The following CD163L1 variants were observed in gnomAD, a reference collection of about 807,000 sequenced individuals.
The protein encoded by CD163L1 is scavenger receptor cysteine-rich type 1 protein M160.
Under a neutral mutation model 165.4 loss-of-function variants are expected in CD163L1, and 124 were observed. The observed-to-expected ratio is 0.75, with a 90% CI of 0.65 to 0.87. CD163L1 has a LOEUF of 0.87. Among genes scored for constraint, CD163L1 ranks in the 40% least tolerant of loss-of-function variants. The probability of loss-of-function intolerance (pLI) is 0.00; values close to 1 mark genes in which losing one functional copy is unlikely to be tolerated. For missense variants in CD163L1, 1,525 were observed against 1,799.9 expected, an observed-to-expected ratio of 0.85 and a Z score of 2.76; for synonymous variants, 585 against 662.2, an observed-to-expected ratio of 0.88 and a Z score of 1.79.
At chr12:7,391,184 A>G (rs1363822984) in intron 8 of CD163L1, among the ~76,000 whole-genome samples, 1 of 152,212 alleles carries the variant, frequency 6.6e-6, no homozygotes, top group Non-Finnish European at 1.5e-5. Flanking sequence ...ATCAACAAAA[A>G]GGATAACCAC....
chr12:7,406,689 G>C lies in CD163L1; in HGVS notation c.930C>G (p.His310Gln), dbSNP rs1436907937. 1 of 1,614,106 alleles carries C rather than the reference G, an allele frequency of 6.2e-7. No homozygotes were observed. The highest frequency in any genetic ancestry group is 8.5e-7 in the Non-Finnish European group (1 of 1,180,002). The change falls in exon 5 of 20, where the codon CAC becomes CAG. Residue 310 changes from histidine (H) to glutamine (Q), a missense_variant. Physicochemically the swap from His to Gln is conservative, Grantham distance 24 (BLOSUM62 0). Transcript: ENST00000313599. ...ACTGCAAATGAGGCAAGCCAGCGAAGTGAAGTGCGGTTCCACATCCCAACT... is the reference window on the plus strand; with the variant it reads ...ACTGCAAATGAGGCAAGCCAGCGAACTGAAGTGCGGTTCCACATCCCAACT... ...CKQLGCGTALHFAGLPHLQSG... is the reference protein window; with the variant it reads ...CKQLGCGTALQFAGLPHLQSG...
intron 5 of CD163L1, among the ~76,000 whole-genome samples, chr12:7,405,310 C>G (rs1947995421): frequency 6.6e-6 from 1 of 152,010 alleles, no homozygotes; most frequent in Non-Finnish European, 1.5e-5. Context: ...CTCTCATCTT[C>G]TCATGTCTCC....
chr12:7,432,693 G>C lies in CD163L1; in HGVS notation c.489C>G (p.Ser163=). The change falls in exon 4 of 20, where the codon TCC becomes TCG. Residue 163 remains serine, a synonymous_variant. Coordinates refer to ENST00000313599, the MANE Select transcript of CD163L1 (RefSeq NM_174941.6). The surrounding 1 kb of genome is among the most constrained non-coding windows in gnomAD (Gnocchi z 4.2). ...ATTTCACCTCCACTCTCCCTGAACA[G>C]GAGTTGTTTCCATCCACTAGCCTCA... ...LGLRLVDGNN[S]CSGRVEVKFQ... 1 of 1,613,528 alleles carries C rather than the reference G, an allele frequency of 6.2e-7. No homozygotes were observed. The highest frequency in any genetic ancestry group is 8.5e-7 in the Non-Finnish European group (1 of 1,179,714).
At chr12:7,333,080 T>C in the CD163L1 span, among the ~76,000 whole-genome samples, 63,363 of 151,738 alleles carry the variant, frequency 0.42, 14,524 homozygotes, top group Non-Finnish European at 0.52. Context: ...ACATCTCACC[T>C]GTTAACAGAA....
At chr12:7,324,369 G>A in the CD163L1 span, 40 of 1,614,082 alleles carry the variant, frequency 2.5e-5, 1 homozygote, top group South Asian at 3.0e-4. Context: ...CTGGTTTGTC[G>A]GCAGAGCTGA....
At position 7,403,652 on chromosome 12, in the gene CD163L1, T is replaced by C. The variant is rs1337034378; in HGVS notation, c.1291A>G (p.Ile431Val). The change falls in exon 6 of 20, where the codon ATT (isoleucine) becomes GTT (valine). Residue 431 changes from isoleucine (I) to valine (V), a missense_variant. Transcript: ENST00000313599. Reference sequence around the variant, plus strand: ...GTGCAAGATATGCTGTTTATCCAAATGTCTCTAGCTTCATTACTAGGTTTA... The same window carrying C: ...GTGCAAGATATGCTGTTTATCCAAACGTCTCTAGCTTCATTACTAGGTTTA... ...RAKPSNEARDIWINSISCTGN... is the reference protein window; with the variant it reads ...RAKPSNEARDVWINSISCTGN... 6.2e-7 allele frequency: 1 copy of C among 1,614,076 alleles called. No individual in the cohort carries two copies. Among genetic ancestry groups the C allele is most frequent in the Non-Finnish European group, 8.5e-7 (1 of 1,179,964 alleles).
At chr12:7,435,447 G>C (rs1456921687) in intron 2 of CD163L1, among the ~76,000 whole-genome samples, 1 of 151,568 alleles carries the variant, frequency 6.6e-6, no homozygotes, top group African/African-American at 2.4e-5. Context: ...AAAACAAAAG[G>C]CATGACCATT....
Position 7,375,396 on chromosome 12 carries a change from C to T in CD163L1, c.2886G>A (p.Val962=), listed in dbSNP as rs35330587. The T allele has an allele frequency of 2.7e-4, 432 of 1,614,178 alleles. 1 individual carries two copies. The African/African-American group carries it at 5.4e-3, about 20-fold the overall frequency. The change falls in exon 11 of 20, where the codon GTG becomes GTA. Residue 962 remains valine, a synonymous_variant. Transcript: ENST00000313599. ...GKYIGERSVR[V]WGHRFHCLGN... is the part of the protein sequence containing the mutation. ...CTAAGCAATGAAACCTGTGTCCCCACACACGAACACTTCTTTCTCCAATAT... is the reference window on the plus strand; with the variant it reads ...CTAAGCAATGAAACCTGTGTCCCCATACACGAACACTTCTTTCTCCAATAT...
chr12:7,368,590 G>A lies in CD163L1; in HGVS notation c.4072+343C>T, dbSNP rs1412686054. Among the ~76,000 whole-genome samples the A allele has an allele frequency of 6.7e-6, 1 of 148,974 alleles. No homozygotes were observed. On this transcript the variant is annotated intron_variant, in intron 16 of 19. Coordinates refer to ENST00000313599, the MANE Select transcript of CD163L1 (RefSeq NM_174941.6). The surrounding 1 kb of genome is among the most constrained non-coding windows in gnomAD (Gnocchi z 4.3). ...TCACCCAGGCTGAGTGTACTGGCAC[G>A]ATCTCGGCTCACTGCAATCTCTGCT...
intron 4 of CD163L1, among the ~76,000 whole-genome samples, chr12:7,421,502 CATATACATAT>C (rs1565810298): frequency 1.3e-3 from 92 of 72,412 alleles, no homozygotes; most frequent in African/African-American, 1.7e-3. Context: ...CATATATGTA[CATATACATAT>C]ACATATATGT....
In CD163L1 at chr12:7,375,607, C is replaced by A; in HGVS notation, c.2687-12G>T. The A allele has an allele frequency of 6.2e-7, 1 of 1,611,700 alleles. No individual in the cohort carries two copies. Among genetic ancestry groups the A allele is most frequent in the South Asian group, 1.1e-5 (1 of 91,000 alleles). ...GACATCTGTATATCCTAGGAGGAGA[C>A]AAGGCCATAGAAGAGACATCATGAC... On this transcript the variant is annotated splice_polypyrimidine_tract_variant and intron_variant, in intron 10 of 19. Coordinates refer to ENST00000313599, the MANE Select transcript of CD163L1 (RefSeq NM_174941.6).
the CD163L1 span, chr12:7,323,591 A>T: frequency 6.3e-7 from 1 of 1,578,546 alleles, no homozygotes; most frequent in Non-Finnish European, 8.7e-7. Flanking sequence ...GGTCATGCTT[A>T]ATACAGACTT....
At chr12:7,345,440 C>T (rs763119912), downstream of CD163L1, among the ~76,000 whole-genome samples, 10 of 152,152 alleles carry the variant, frequency 6.6e-5, no homozygotes, top group Non-Finnish European at 1.5e-4. Flanking sequence ...CCATTAAGTT[C>T]CTCAATTTCA....
At chr12:7,346,934 G>A (rs1442663436) in exon 5 of CD163L1, 1 of 152,180 alleles carries the variant, frequency 6.6e-6, no homozygotes, top group Non-Finnish European at 1.5e-5. Context: ...AGTCATTTAG[G>A]GAGAACATAA....
intron 8 of CD163L1, among the ~76,000 whole-genome samples, 164 bp downstream of exon 8, chr12:7,395,931 T>A (rs976963602): frequency 6.6e-6 from 1 of 152,102 alleles, no homozygotes; most frequent in Non-Finnish European, 1.5e-5. Context: ...ACAGTTTTGA[T>A]CCCATAGAAA....
chr12:7,362,256 G>A (rs7965543), intron 18 of CD163L1, among the ~76,000 whole-genome samples: 16,974 of 137,924 alleles, frequency 0.12, 1,514 homozygotes, highest in East Asian at 0.49. Context: ...TATAGATTAT[G>A]TATTTAATAT....
At chr12:7,428,560 G>C (rs940789891) in intron 4 of CD163L1, among the ~76,000 whole-genome samples, 1 of 151,988 alleles carries the variant, frequency 6.6e-6, no homozygotes, top group Non-Finnish European at 1.5e-5. Flanking sequence ...CTGTAAGCCA[G>C]TATTTTGATA....
rs759325027 is a variant in CD163L1 at position 7,374,569 on chromosome 12, C to A, written c.3282G>T (p.Gly1094=). Residue 1094 remains glycine, a synonymous_variant, in exon 13 of 20, where the codon GGG becomes GGT. Transcript: ENST00000313599. This position sits in a 1 kb window ranked among gnomAD's most constrained non-coding sequence, Gnocchi z 5.4. ...NATVSAHFGE[G]SGPIWLDDLN... is the part of the protein sequence containing the mutation. ...GGTCATCCAGCCAGATGGGCCCTGA[C>A]CCCTCCCCAAAGTGAGCAGAGACCG... The A allele has an allele frequency of 3.1e-6, 5 of 1,614,202 alleles. No individual in the cohort carries two copies. The highest frequency in any genetic ancestry group is 2.2e-5 in the East Asian group (1 of 44,874).
intron 9 of CD163L1, among the ~76,000 whole-genome samples, chr12:7,377,220 C>T (rs1947288194): frequency 2.0e-5 from 3 of 152,206 alleles, no homozygotes; most frequent in Admixed American, 2.0e-4. Context: ...CTGACTCTCC[C>T]ATGACCTTCG....
Sources: allele counts gnomAD v4.1 joint callset (sites outside exome capture counted in the v4.1 genomes callset), GRCh38; gene constraint gnomAD v4.1.1; non-coding constraint Gnocchi (gnomAD v3.1); transcripts MANE v1.5; gene names NCBI Gene and HGNC (gene_info 2026-07-23, HGNC 2026-07-21).